The following SPMIP2 variants were observed in gnomAD, a reference collection of about 807,000 sequenced individuals.
SPMIP2 encodes the protein protein SPMIP2.
At chr4:158,964,087 G>A in the SPMIP2 span, among the ~76,000 whole-genome samples, 29 of 151,954 alleles carry the variant, frequency 1.9e-4, no homozygotes, top group East Asian at 5.8e-4. Flanking sequence ...CCCGGGAGGC[G>A]GAGCTTGCAG....
chr4:158,983,480 A>G, the SPMIP2 span, among the ~76,000 whole-genome samples: 2 of 151,926 alleles, frequency 1.3e-5, no homozygotes, highest in African/African-American at 4.8e-5. Flanking sequence ...AAACTCTGCA[A>G]GCCAGAAGAG....
the SPMIP2 span, among the ~76,000 whole-genome samples, chr4:158,932,062 G>A: frequency 6.6e-6 from 1 of 152,040 alleles, no homozygotes; most frequent in Non-Finnish European, 1.5e-5. Flanking sequence ...GGCTGAGGTG[G>A]GTGGATAGAT....
chr4:158,966,581 T>C, the SPMIP2 span, among the ~76,000 whole-genome samples: 3 of 152,200 alleles, frequency 2.0e-5, no homozygotes, highest in African/African-American at 7.2e-5. Context: ...GTCACTATCA[T>C]CAAATAACAT....
At chr4:159,058,478 T>A in the SPMIP2 span, among the ~76,000 whole-genome samples, 1 of 152,224 alleles carries the variant, frequency 6.6e-6, no homozygotes, top group Admixed American at 6.5e-5. Flanking sequence ...GGGACTTCTT[T>A]TCTTATAAAA....
the SPMIP2 span, among the ~76,000 whole-genome samples, chr4:158,945,846 T>C: frequency 8.5e-5 from 13 of 152,244 alleles, no homozygotes; most frequent in Non-Finnish European, 1.6e-4. Flanking sequence ...TGTTATTTTT[T>C]TTTCTGTAGT....
the SPMIP2 span, among the ~76,000 whole-genome samples, chr4:158,982,462 A>G: frequency 0.33 from 50,249 of 152,056 alleles, 8,524 homozygotes; most frequent in South Asian, 0.41. Flanking sequence ...AAAATTGATC[A>G]CATAATTGGA....
At chr4:158,983,544 TCCAGC>T in the SPMIP2 span, among the ~76,000 whole-genome samples, 1 of 136,822 alleles carries the variant, frequency 7.3e-6, no homozygotes, top group Non-Finnish European at 1.5e-5. Flanking sequence ...GAATTTCATA[TCCAGC>T]CAAACTAAGC....
At chr4:158,914,592 T>C in the SPMIP2 span, among the ~76,000 whole-genome samples, 44,134 of 152,094 alleles carry the variant, frequency 0.29, 7,160 homozygotes, top group Non-Finnish European at 0.38. Flanking sequence ...CAGAAAGCTA[T>C]TATTGGCGTA....
At chr4:158,904,717 G>A in the SPMIP2 span, 1 of 600,006 alleles carries the variant, frequency 1.7e-6, no homozygotes, top group Non-Finnish European at 2.9e-6. Flanking sequence ...TGAAGACTTA[G>A]GTTTACTTGA....
At chr4:158,955,020 A>G in the SPMIP2 span, among the ~76,000 whole-genome samples, 1 of 152,328 alleles carries the variant, frequency 6.6e-6, no homozygotes, top group East Asian at 1.9e-4. Flanking sequence ...TTGCAAACAG[A>G]AGAGATCATA....
chr4:158,939,677 A>G, the SPMIP2 span, among the ~76,000 whole-genome samples: 2 of 151,518 alleles, frequency 1.3e-5, no homozygotes, highest in African/African-American at 2.4e-5. Context: ...TTCTCCTCTT[A>G]TTTGTTGAAA....
the SPMIP2 span, among the ~76,000 whole-genome samples, chr4:159,056,372 T>A: frequency 1.7e-4 from 26 of 152,268 alleles, no homozygotes; most frequent in South Asian, 5.4e-3. Context: ...CCTCTATTGT[T>A]CACGGTGGAT....
the SPMIP2 span, among the ~76,000 whole-genome samples, chr4:158,947,051 G>A: frequency 6.6e-6 from 1 of 152,176 alleles, no homozygotes; most frequent in Non-Finnish European, 1.5e-5. Flanking sequence ...AAGGAGAGCT[G>A]AGGGAGGGAG....
the SPMIP2 span, among the ~76,000 whole-genome samples, chr4:159,034,226 T>A: frequency 1.3e-5 from 2 of 152,230 alleles, no homozygotes; most frequent in Non-Finnish European, 2.9e-5. Context: ...TTCTATTTTT[T>A]AGATATTATT....
chr4:159,013,671 G>C, the SPMIP2 span, among the ~76,000 whole-genome samples: 1 of 152,026 alleles, frequency 6.6e-6, no homozygotes, highest in African/African-American at 2.4e-5. Context: ...TGGCCTCCAA[G>C]TACGGTCACA....
the SPMIP2 span, among the ~76,000 whole-genome samples, chr4:158,950,924 G>A: frequency 6.6e-6 from 1 of 152,076 alleles, no homozygotes; most frequent in South Asian, 2.1e-4. Flanking sequence ...AGGCTGAAGG[G>A]AGGGTCTGTG....
chr4:158,977,783 T>G, the SPMIP2 span, among the ~76,000 whole-genome samples: 1 of 151,736 alleles, frequency 6.6e-6, no homozygotes, highest in African/African-American at 2.4e-5. Context: ...CCCAGCTAAT[T>G]TTTTGTATTT....
chr4:159,056,197 C>A, the SPMIP2 span, among the ~76,000 whole-genome samples: 1 of 152,160 alleles, frequency 6.6e-6, no homozygotes, highest in African/African-American at 2.4e-5. Flanking sequence ...AGTCTTGGAC[C>A]CCTGACTTTG....
At chr4:158,958,669 G>C in the SPMIP2 span, among the ~76,000 whole-genome samples, 4 of 152,168 alleles carry the variant, frequency 2.6e-5, no homozygotes, top group African/African-American at 9.7e-5. Flanking sequence ...CCAGGAAAAA[G>C]ATGGCTCTCA....
Sources: gnomAD v4.1 joint callset for allele counts (sites outside exome capture counted in the v4.1 genomes callset) on GRCh38, gnomAD v4.1.1 for gene constraint, MANE v1.5 for transcripts, NCBI Gene and HGNC (gene_info 2026-07-23, HGNC 2026-07-21) for gene names.